Variants in COG6 observed in about 807,000 individuals in gnomAD.
COG6 encodes the protein component of oligomeric golgi complex 6, also known as conserved oligomeric Golgi complex subunit 6.
In COG6, 74 loss-of-function variants were observed where a neutral mutation model predicts 88.8. The ratio of observed to expected loss-of-function variants is 0.83; its 90% CI spans 0.69 to 1.01. COG6 has a LOEUF of 1.01. COG6 is among the 50% of genes least tolerant of loss of function. COG6 has a pLI of 0.00. For missense variants in COG6, 800 were observed against 797.9 expected, an observed-to-expected ratio of 1.00 and a Z score of -0.03; for synonymous variants, 286 against 278.7, an observed-to-expected ratio of 1.03 and a Z score of -0.26.
At chr13:39,744,801 C>G (rs2138134321) in intron 18 of COG6, among the ~76,000 whole-genome samples, 1 of 152,286 alleles carries the variant, frequency 6.6e-6, no homozygotes, top group South Asian at 2.1e-4. Flanking sequence ...CAAGACAATC[C>G]TAAGCCAAAA....
chr13:39,689,333 A>G (rs999392505), intron 10 of COG6, among the ~76,000 whole-genome samples: 40 of 152,266 alleles, frequency 2.6e-4, no homozygotes, highest in Middle Eastern at 3.4e-3. Flanking sequence ...AAAGATTTCA[A>G]GGTATATTTT....
At chr13:39,725,918 C>T (rs1454787043) in intron 17 of COG6, among the ~76,000 whole-genome samples, 1 of 151,756 alleles carries the variant, frequency 6.6e-6, no homozygotes, top group Non-Finnish European at 1.5e-5. Context: ...TAGTTAGTAC[C>T]AAATATATGT....
Position 39,727,526 on chromosome 13 carries a change from T to G in COG6, c.1804T>G (p.Phe602Val). 6.2e-7 allele frequency: 1 copy of G among 1,613,232 alleles called. No individual in the cohort carries two copies. The highest frequency in any genetic ancestry group is 8.5e-7 in the Non-Finnish European group (1 of 1,179,310). Residue 602 changes from phenylalanine to valine, a missense_variant, in exon 18 of 19, where the codon TTT (phenylalanine) becomes GTT (valine). Coordinates refer to ENST00000455146, the MANE Select transcript of COG6 (RefSeq NM_020751.3). ...PDNLLIPQLN[F>V]LLSATVKEQI... is the part of the protein sequence containing the mutation. ...CAACCTATTGATACCACAGCTGAAC[T>G]TTCTTCTAAGTGCCACAGTGAAGTA... is the stretch of plus-strand genomic sequence containing the variant.
In COG6 at chr13:39,727,487, C is replaced by G. The variant is rs1294922278; in HGVS notation, c.1765C>G (p.Leu589Val). 6.2e-7 allele frequency: 1 copy of G among 1,612,738 alleles called. No individual in the cohort carries two copies. Among genetic ancestry groups the G allele is most frequent in the African/African-American group, 1.3e-5 (1 of 74,864 alleles). ...KAAMVQFDRYLSAPDNLLIPQ... is the reference protein window; with the variant it reads ...KAAMVQFDRYVSAPDNLLIPQ... ...CATTTAGGTTCAGTTTGATCGTTATCTGTCAGCCCCAGACAACCTATTGAT... is the reference window on the plus strand; with the variant it reads ...CATTTAGGTTCAGTTTGATCGTTATGTGTCAGCCCCAGACAACCTATTGAT... The change falls in exon 18 of 19, where the codon CTG becomes GTG. Residue 589 changes from leucine to valine, a missense_variant. By Grantham distance (32) the Leu-to-Val change is conservative (BLOSUM62 1). Coordinates refer to ENST00000455146, the MANE Select transcript of COG6 (RefSeq NM_020751.3).
intron 3 of COG6, among the ~76,000 whole-genome samples, chr13:39,661,737 AATT>A (rs1425084804): frequency 7.3e-5 from 11 of 151,340 alleles, no homozygotes; most frequent in Non-Finnish European, 4.4e-5. Flanking sequence ...AATATATACT[AATT>A]ATTAATGGCC....
At chr13:39,722,028 CTA>C (rs948481578) in intron 15 of COG6, among the ~76,000 whole-genome samples, 1 of 152,012 alleles carries the variant, frequency 6.6e-6, no homozygotes, top group African/African-American at 2.4e-5. Flanking sequence ...CATCACTTTT[CTA>C]TGTGTTACTT....
rs1291643224 is a variant in COG6 at position 39,752,016 on chromosome 13, A to G, written c.*923A>G. On this transcript the variant is annotated 3_prime_UTR_variant, in exon 19 of 19. Coordinates refer to ENST00000455146, the MANE Select transcript of COG6 (RefSeq NM_020751.3). ...AAAACTGCCAGAGGAGGAGTTGCCA[A>G]TTGGCAGTGTGTCTTATCTCCATGT... 1.3e-5 allele frequency: 16 copies of G among 1,272,110 alleles called. No homozygotes were observed. Among genetic ancestry groups the G allele is most frequent in the African/African-American group, 3.1e-5 (2 of 65,528 alleles). 78.8% of individuals were successfully genotyped at this position (1,272,110 alleles called of 1,614,324 possible).
In COG6 at chr13:39,661,793, T is replaced by A. The variant is rs966790055; in HGVS notation, c.369+912T>A. Among the ~76,000 whole-genome samples the A allele has an allele frequency of 5.3e-5, 8 of 151,674 alleles. No homozygotes were observed. The East Asian group carries it at 1.2e-3, about 22-fold the overall frequency. On this transcript the variant is annotated intron_variant, in intron 3 of 18. Transcript: ENST00000455146. ...TATATTTACTTTATTCCTCAGTGGT[T>A]GATTTTGTTTGACCCTTCTTTTTCT... is the stretch of plus-strand genomic sequence containing the variant.
intron 5 of COG6, chr13:39,677,947 T>C (rs1342804466): frequency 8.7e-6 from 3 of 343,532 alleles, no homozygotes; most frequent in African/African-American, 2.2e-5. Flanking sequence ...TTCTCTATTG[T>C]GAAATGTGAG....
intron 12 of COG6, 44 bp downstream of exon 12, chr13:39,694,769 T>C (rs1432527315): frequency 9.6e-7 from 1 of 1,046,500 alleles, no homozygotes; most frequent in South Asian, 1.3e-5. Context: ...CAATGTGATA[T>C]TTCTTTCAGT....
chr13:39,687,509 C>T lies in COG6; in HGVS notation c.795C>T (p.Thr265=). 6.2e-7 allele frequency: 1 copy of T among 1,612,490 alleles called. No individual in the cohort carries two copies. Residue 265 remains threonine, a synonymous_variant, in exon 9 of 19, where the codon ACC becomes ACT. Transcript: ENST00000455146. Reference sequence around the variant, plus strand: ...TATAACTTGTTTCTTCTAGATATACCTTAGATGAATTTGGAACAGCCAGAA... The same window carrying T: ...TATAACTTGTTTCTTCTAGATATACTTTAGATGAATTTGGAACAGCCAGAA... ...LQDRPVLYKY[T]LDEFGTARRS... is the part of the protein sequence containing the mutation.
intron 18 of COG6, among the ~76,000 whole-genome samples, chr13:39,763,559 AT>A (rs924024925): frequency 7.3e-4 from 110 of 151,588 alleles, no homozygotes; most frequent in African/African-American, 2.5e-3. Flanking sequence ...AATTTTATCA[AT>A]TTTTTTTCTG....
intron 15 of COG6, among the ~76,000 whole-genome samples, chr13:39,721,798 C>A (rs1878865657): frequency 6.6e-6 from 1 of 152,030 alleles, no homozygotes; most frequent in Non-Finnish European, 1.5e-5. Flanking sequence ...TCCAGTGTTT[C>A]AAGCAAGAAG....
intron 18 of COG6, among the ~76,000 whole-genome samples, chr13:39,773,343 A>G (rs555932646): frequency 7.9e-5 from 12 of 152,350 alleles, no homozygotes; most frequent in African/African-American, 2.6e-4. Context: ...TCTTTACATG[A>G]TCTTAAGCAC....
At chr13:39,735,307 ATATCT>A (rs765996963) in intron 18 of COG6, among the ~76,000 whole-genome samples, 1 of 152,010 alleles carries the variant, frequency 6.6e-6, no homozygotes, top group Non-Finnish European at 1.5e-5. Context: ...CTTCCAAATA[ATATCT>A]TATACTGCAT....
intron 5 of COG6, chr13:39,679,247 G>T (rs1014461410): frequency 7.6e-6 from 3 of 392,814 alleles, no homozygotes; most frequent in African/African-American, 6.1e-5. Context: ...ACTAGACTAC[G>T]TACACTTCTT....
At chr13:39,681,740 A>G (rs7324826) in intron 7 of COG6, among the ~76,000 whole-genome samples, 41,548 of 152,020 alleles carry the variant, frequency 0.27, 5,886 homozygotes, top group African/African-American at 0.36. Context: ...TTATATCACT[A>G]TATATTAGTT....
At chr13:39,673,404 C>T (rs1875768662) in intron 4 of COG6, among the ~76,000 whole-genome samples, 1 of 152,006 alleles carries the variant, frequency 6.6e-6, no homozygotes, top group Non-Finnish European at 1.5e-5. Flanking sequence ...AACCTCATTA[C>T]AGGATTTTAT....
intron 5 of COG6, chr13:39,678,102 T>C (rs973639209): frequency 4.5e-6 from 2 of 444,282 alleles, no homozygotes; most frequent in Admixed American, 4.9e-5. Context: ...GGTCTCGCTC[T>C]GTCAACCTGG....
Sources: allele counts gnomAD v4.1 joint callset (sites outside exome capture counted in the v4.1 genomes callset), GRCh38; gene constraint gnomAD v4.1.1; transcripts MANE v1.5; gene names NCBI Gene and HGNC (gene_info 2026-07-23, HGNC 2026-07-21).